GRM8: variants seen among roughly 807,000 people sequenced by gnomAD.
GRM8 encodes glutamate metabotropic receptor 8.
In GRM8, 47 loss-of-function variants were observed where a neutral mutation model predicts 87.2. The observed-to-expected ratio is 0.54, with a 90% CI of 0.43 to 0.69. The LOEUF is 0.69. Ranked by LOEUF, GRM8 falls within the 30% of genes least tolerant of loss-of-function variation. GRM8 has a pLI of 0.00. For synonymous variants in GRM8, 396 were observed against 404.5 expected (o/e 0.98, Z 0.25); for missense variants, 1,019 against 1,139.2 (o/e 0.89, Z 1.52).
At chr7:126,792,272 T>C (rs1379234377) in intron 6 of GRM8, among the ~76,000 whole-genome samples, 1 of 152,226 alleles carries the variant, frequency 6.6e-6, no homozygotes, top group Admixed American at 6.5e-5. Context: ...TTTTAACCAA[T>C]AGCTATTGCT....
chr7:126,564,026 T>A (rs567679000), intron 8 of GRM8, among the ~76,000 whole-genome samples: 1 of 152,344 alleles, frequency 6.6e-6, no homozygotes, highest in African/African-American at 2.4e-5. Flanking sequence ...TGGTTATATT[T>A]AGGTCTAGTA....
chr7:127,188,050 C>G (rs573267425), intron 2 of GRM8, among the ~76,000 whole-genome samples: 11 of 152,306 alleles, frequency 7.2e-5, no homozygotes, highest in African/African-American at 2.2e-4. Context: ...AATGGAAGAA[C>G]ACAAGTGCTA....
chr7:126,947,689 C>A (rs529768817), intron 3 of GRM8, among the ~76,000 whole-genome samples: 1 of 152,164 alleles, frequency 6.6e-6, no homozygotes, highest in East Asian at 1.9e-4. Context: ...AGCCCCGAGG[C>A]CTTCCTATCA....
In GRM8 at chr7:126,868,696, T is replaced by C. The variant is rs181583939; in HGVS notation, c.1156+33846A>G. 354 of 152,354 alleles carry C rather than the reference T, an allele frequency of 2.3e-3. 2 individuals are homozygous for C. The highest frequency in any genetic ancestry group is 8.1e-3 in the African/African-American group (338 of 41,586). The allele number at this position is 152,354 out of a possible 1,614,324, so 9.4% of individuals were successfully genotyped here. Reference sequence around the variant, plus strand: ...ACGTTTACACTGTATTATATTAGTCTGTGATAGCATTATATCAGAAAAACA... The same window carrying C: ...ACGTTTACACTGTATTATATTAGTCCGTGATAGCATTATATCAGAAAAACA... On this transcript the variant is annotated intron_variant, in intron 6 of 10. Coordinates refer to ENST00000339582, the MANE Select transcript of GRM8 (RefSeq NM_000845.3).
intron 3 of GRM8, among the ~76,000 whole-genome samples, chr7:127,030,944 T>C (rs184637623): frequency 1.2e-4 from 19 of 152,248 alleles, no homozygotes; most frequent in Admixed American, 1.0e-3. Context: ...GAATTAATAT[T>C]ACTTTTAAGA....
At chr7:127,019,172 T>C (rs1037217354) in intron 3 of GRM8, among the ~76,000 whole-genome samples, 2 of 152,122 alleles carry the variant, frequency 1.3e-5, no homozygotes, top group African/African-American at 2.4e-5. Context: ...AATCAAACTA[T>C]ACAATGAATG....
At chr7:126,567,164 C>A (rs1414758938) in intron 8 of GRM8, among the ~76,000 whole-genome samples, 1 of 152,050 alleles carries the variant, frequency 6.6e-6, no homozygotes, top group Non-Finnish European at 1.5e-5. Context: ...TAGAGACCTA[C>A]TGGACAACAT....
intron 7 of GRM8, among the ~76,000 whole-genome samples, chr7:126,654,541 C>G (rs1415579070): frequency 6.6e-6 from 1 of 152,146 alleles, no homozygotes; most frequent in Non-Finnish European, 1.5e-5. Flanking sequence ...GAATTGTACC[C>G]AGTATTTATG....
chr7:127,001,227 AC>A (rs1449126445), intron 3 of GRM8, among the ~76,000 whole-genome samples: 1 of 151,696 alleles, frequency 6.6e-6, no homozygotes, highest in African/African-American at 2.4e-5. Context: ...ATAAACTCTG[AC>A]CTTTCCTCAG....
At chr7:126,546,562 A>T (rs1290280166) in intron 8 of GRM8, among the ~76,000 whole-genome samples, 1 of 152,248 alleles carries the variant, frequency 6.6e-6, no homozygotes, top group Non-Finnish European at 1.5e-5. Flanking sequence ...TGAATGAGTC[A>T]GGCCAGGCAA....
intron 3 of GRM8, among the ~76,000 whole-genome samples, chr7:127,014,407 T>C (rs926244956): frequency 6.6e-6 from 1 of 152,174 alleles, no homozygotes; most frequent in African/African-American, 2.4e-5. Flanking sequence ...AATAGCCTTC[T>C]ACAAATTCAA....
chr7:126,536,006 A>G (rs1361287513), intron 8 of GRM8, among the ~76,000 whole-genome samples: 2 of 152,220 alleles, frequency 1.3e-5, no homozygotes, highest in Non-Finnish European at 2.9e-5. Flanking sequence ...ATTTACGGAA[A>G]TGTTGTGAGA....
chr7:127,072,945 TTTTC>T (rs1821865672), intron 3 of GRM8, among the ~76,000 whole-genome samples: 1 of 151,792 alleles, frequency 6.6e-6, no homozygotes, highest in Admixed American at 6.6e-5. Flanking sequence ...TTCTTTTTTT[TTTTC>T]TTTCTTCAAA....
intron 9 of GRM8, among the ~76,000 whole-genome samples, chr7:126,474,372 A>G (rs1805652291): frequency 6.6e-6 from 1 of 152,108 alleles, no homozygotes; most frequent in Admixed American, 6.6e-5. Context: ...ACGCTTAAGC[A>G]ATCCTCTCAC....
chr7:126,719,039 A>C (rs181586381), intron 7 of GRM8, among the ~76,000 whole-genome samples: 176 of 152,322 alleles, frequency 1.2e-3, no homozygotes, highest in Admixed American at 5.8e-3. Context: ...TTTTGGAGTC[A>C]AACACATGTG....
Position 126,984,256 on chromosome 7 carries a change from G to A in GRM8, c.728-79573C>T, listed in dbSNP as rs1337512256. 3.3e-5 allele frequency among the ~76,000 whole-genome samples: 5 copies of A among 152,168 alleles called. No individual in the cohort carries two copies. In the East Asian group the frequency reaches 9.6e-4, roughly 29 times the overall value. The stretch of plus-strand genomic sequence containing the variant: ...GATCTCAGGATGTGTATGGGTTCAA[G>A]TTGGCAAGGGTGGACTTGTGATGGT... On this transcript the variant is annotated intron_variant, in intron 3 of 10. Transcript: ENST00000339582.
chr7:126,588,973 C>T (rs1329228905), intron 8 of GRM8, among the ~76,000 whole-genome samples: 3 of 152,134 alleles, frequency 2.0e-5, no homozygotes, highest in African/African-American at 4.8e-5. Context: ...TGGGCTCTCT[C>T]GGTCCCCAGG....
chr7:126,535,933 G>A (rs1815643135), intron 8 of GRM8, among the ~76,000 whole-genome samples: 1 of 152,172 alleles, frequency 6.6e-6, no homozygotes, highest in South Asian at 2.1e-4. Context: ...ATGACATCTT[G>A]AATACAAACT....
intron 2 of GRM8, among the ~76,000 whole-genome samples, chr7:127,220,994 G>A (rs1020046556): frequency 3.9e-5 from 6 of 152,128 alleles, no homozygotes; most frequent in African/African-American, 1.4e-4. Flanking sequence ...AGGTAAGGAA[G>A]CCTCTTCACT....
Sources: allele counts gnomAD v4.1 joint callset (sites outside exome capture counted in the v4.1 genomes callset), GRCh38; gene constraint gnomAD v4.1.1; transcripts MANE v1.5; gene names NCBI Gene and HGNC (gene_info 2026-07-23, HGNC 2026-07-21).